Variants in PSD3 observed in about 807,000 individuals in gnomAD.
The protein encoded by PSD3 is pleckstrin and Sec7 domain containing 3.
A neutral mutation model predicts 105.5 loss-of-function variants in PSD3; 49 were observed. The ratio of observed to expected loss-of-function variants is 0.46; its 90% CI spans 0.37 to 0.59. The LOEUF (loss-of-function observed/expected upper bound fraction) is 0.59, where lower values mean the gene tolerates loss of function less well. PSD3 is among the 20% of genes least tolerant of loss of function. The probability of loss-of-function intolerance (pLI) is 0.00; values close to 1 mark genes in which losing one functional copy is unlikely to be tolerated. For missense variants in PSD3, 1,561 were observed against 1,263.8 expected (o/e 1.24, Z -3.57); for synonymous variants, 557 against 457.8 (o/e 1.22, Z -2.77).
chr8:18,706,703 T>A (rs1801923924), intron 9 of PSD3, among the ~76,000 whole-genome samples: 1 of 152,184 alleles, frequency 6.6e-6, no homozygotes, highest in South Asian at 2.1e-4. Flanking sequence ...TTGTGGACCT[T>A]TGGCAAACAC....
chr8:18,922,753 A>C (rs1363461456), intron 2 of PSD3, among the ~76,000 whole-genome samples: 2 of 152,174 alleles, frequency 1.3e-5, no homozygotes, highest in Non-Finnish European at 2.9e-5. Flanking sequence ...CTTGGGTTCG[A>C]TTAATCTGCT....
chr8:18,669,201 T>G (rs894063235), intron 9 of PSD3, among the ~76,000 whole-genome samples: 120 of 152,348 alleles, frequency 7.9e-4, no homozygotes, highest in Non-Finnish European at 6.5e-4. Context: ...GGAAATTGTT[T>G]TTTGTAACTA....
chr8:18,735,182 C>T (rs1386322153), intron 9 of PSD3, among the ~76,000 whole-genome samples: 1 of 152,144 alleles, frequency 6.6e-6, no homozygotes, highest in African/African-American at 2.4e-5. Flanking sequence ...ATCAGTGGGG[C>T]TGTAGTTCAA....
At chr8:18,936,240 T>C in intron 1 of PSD3, 98 bp from the exon 2 acceptor site, 1 of 798,902 alleles carries the variant, frequency 1.3e-6, no homozygotes, top group Non-Finnish European at 2.1e-6. Flanking sequence ...AAAATAATTA[T>C]GACATATGTA....
intron 1 of PSD3, among the ~76,000 whole-genome samples, chr8:19,019,972 G>C (rs1236488547): frequency 6.6e-6 from 1 of 152,276 alleles, no homozygotes; most frequent in South Asian, 2.1e-4. Flanking sequence ...CGGGGCATAG[G>C]GTAGACTCAG....
At chr8:19,039,837 C>T (rs1828063665) in intron 1 of PSD3, among the ~76,000 whole-genome samples, 1 of 152,212 alleles carries the variant, frequency 6.6e-6, no homozygotes, top group African/African-American at 2.4e-5. Flanking sequence ...GAGAAAAGTC[C>T]CCTCCATCAT....
intron 9 of PSD3, among the ~76,000 whole-genome samples, chr8:18,694,813 A>G (rs1273431030): frequency 1.2e-5 from 1 of 84,050 alleles, no homozygotes. Flanking sequence ...GTGAAACCCT[A>G]TCTCCACTGA....
intron 9 of PSD3, among the ~76,000 whole-genome samples, chr8:18,763,924 T>G (rs1806752085): frequency 6.6e-6 from 1 of 152,060 alleles, no homozygotes; most frequent in Non-Finnish European, 1.5e-5. Context: ...TCCCATGAGG[T>G]TTATAAACAT....
At chr8:18,993,047 G>A (rs1825889538) in intron 1 of PSD3, among the ~76,000 whole-genome samples, 2 of 152,068 alleles carry the variant, frequency 1.3e-5, no homozygotes, top group South Asian at 4.2e-4. Flanking sequence ...TCTTCCAAAT[G>A]CAATAATTTA....
At chr8:18,682,265 C>T (rs562069987) in intron 9 of PSD3, among the ~76,000 whole-genome samples, 1 of 152,308 alleles carries the variant, frequency 6.6e-6, no homozygotes, top group South Asian at 2.1e-4. Flanking sequence ...CCTCTGACTG[C>T]ATACCATGGG....
At chr8:19,033,557 TA>T (rs1378803622) in intron 1 of PSD3, among the ~76,000 whole-genome samples, 2 of 143,626 alleles carry the variant, frequency 1.4e-5, no homozygotes, top group East Asian at 4.4e-4. Context: ...TTTCTTTTTT[TA>T]AAATCTGTTT....
chr8:18,949,250 T>TATATATATATATATATATACAC (rs1441613259), intron 1 of PSD3, among the ~76,000 whole-genome samples: 39 of 51,720 alleles, frequency 7.5e-4, no homozygotes, highest in African/African-American at 3.6e-3. Context: ...AAAAAATATA[T>TATATATATATATATATATACAC]ATATATATAT....
At chr8:18,966,506 G>A (rs1200753250) in intron 1 of PSD3, among the ~76,000 whole-genome samples, 1 of 151,290 alleles carries the variant, frequency 6.6e-6, no homozygotes, top group Admixed American at 6.6e-5. Context: ...GGGAGGTGGA[G>A]GTTGCAGTGA....
At chr8:18,865,314 G>T (rs1486760485) in intron 4 of PSD3, 9 of 76,194 alleles carry the variant, frequency 1.2e-4, no homozygotes, top group East Asian at 5.4e-4. Context: ...TTTTTTAAAG[G>T]CTATCTGAGG....
At chr8:18,720,237 T>C (rs943753956) in intron 9 of PSD3, among the ~76,000 whole-genome samples, 13 of 152,248 alleles carry the variant, frequency 8.5e-5, no homozygotes, top group African/African-American at 2.6e-4. Context: ...CATAACCATA[T>C]TTTATTAAAA....
intron 11 of PSD3, among the ~76,000 whole-genome samples, chr8:18,601,290 T>C (rs1290677978): frequency 6.6e-6 from 1 of 152,194 alleles, no homozygotes; most frequent in East Asian, 1.9e-4. Context: ...CTTAATACAA[T>C]TAAAATCTAT....
rs188492080 is a variant in PSD3, at chr8:18,722,230, A to G, written c.2172+43219T>C. On this transcript the variant is annotated intron_variant, in intron 9 of 15. Coordinates refer to ENST00000327040, the MANE Select transcript of PSD3 (RefSeq NM_015310.4). ...TAATATGTCAGTGGGACTAAAATGT[A>G]TGTGACAGAGTCTTAAGAGATTCCC... Among the ~76,000 whole-genome samples, 6 of 152,190 alleles carry G rather than the reference A, an allele frequency of 3.9e-5. No homozygotes were observed. In the East Asian group the frequency reaches 1.2e-3, roughly 29 times the overall value.
intron 9 of PSD3, among the ~76,000 whole-genome samples, chr8:18,744,826 C>T (rs1480876389): frequency 6.6e-6 from 1 of 152,186 alleles, no homozygotes; most frequent in Non-Finnish European, 1.5e-5. Context: ...TCTCTAGAAC[C>T]CACAAGGCCT....
intron 1 of PSD3, among the ~76,000 whole-genome samples, chr8:19,078,104 C>T (rs956958385): frequency 2.0e-4 from 30 of 152,234 alleles, no homozygotes; most frequent in Admixed American, 5.2e-4. Flanking sequence ...AGTCACAACT[C>T]GCTGCAGCCT....
Sources: gnomAD v4.1 joint callset for allele counts (sites outside exome capture counted in the v4.1 genomes callset) on GRCh38, gnomAD v4.1.1 for gene constraint, MANE v1.5 for transcripts, NCBI Gene and HGNC (gene_info 2026-07-23, HGNC 2026-07-21) for gene names.